Variants in SHANK2 observed in about 807,000 individuals in gnomAD.
SHANK2 encodes the protein SH3 and multiple ankyrin repeat domains protein 2.
SHANK2 carries 43 observed loss-of-function variants against 133.7 expected under a neutral mutation model. The ratio of observed to expected loss-of-function variants is 0.32; its 90% CI spans 0.25 to 0.41. The LOEUF (loss-of-function observed/expected upper bound fraction) is 0.41. SHANK2 is among the 10% of genes least tolerant of loss of function. The pLI is 1.00. For synonymous variants in SHANK2, 1,017 were observed against 952.8 expected, an observed-to-expected ratio of 1.07 and a Z score of -1.24; for missense variants, 1,994 against 2,235.8, an observed-to-expected ratio of 0.89 and a Z score of 2.18.
At chr11:71,108,729 G>A (rs1420049460) in intron 6 of SHANK2, among the ~76,000 whole-genome samples, 11 of 152,270 alleles carry the variant, frequency 7.2e-5, no homozygotes, top group African/African-American at 9.6e-5. Context: ...CCCTATCCCC[G>A]GGGGCACTCT....
intron 17 of SHANK2, among the ~76,000 whole-genome samples, chr11:70,636,728 ATGTGTGAATATGTGTGAGCATG>A (rs1333240875): frequency 2.0e-5 from 3 of 149,208 alleles, no homozygotes; most frequent in African/African-American, 7.4e-5. Flanking sequence ...AGGATGCATG[ATGTGTGAATATGTGTGAGCATG>A]TGTGTGAGCA....
chr11:70,559,590 T>G (rs2059880779), intron 17 of SHANK2, among the ~76,000 whole-genome samples: 1 of 152,154 alleles, frequency 6.6e-6, no homozygotes, highest in Non-Finnish European at 1.5e-5. Flanking sequence ...CGCGCTTTCC[T>G]GGGGACACAC....
intron 14 of SHANK2, among the ~76,000 whole-genome samples, chr11:70,788,399 G>C (rs1947715423): frequency 6.6e-6 from 1 of 152,210 alleles, no homozygotes; most frequent in Non-Finnish European, 1.5e-5. Flanking sequence ...ATAAACAGTT[G>C]AAAAGTTTTC....
chr11:71,107,871 G>T lies in SHANK2; in HGVS notation c.592+2070C>A, dbSNP rs782450204. The stretch of plus-strand genomic sequence containing the variant: ...TCAGGACAGGGGCCAATTACAGGGG[G>T]CACATCAGGAAGAGAGGTGCAGAGC... On this transcript the variant is annotated intron_variant, in intron 6 of 25. Coordinates refer to ENST00000601538, the MANE Select transcript of SHANK2 (RefSeq NM_012309.5). 3.2e-4 allele frequency among the ~76,000 whole-genome samples: 48 copies of T among 152,206 alleles called. 1 individual carries two copies. The highest frequency in any genetic ancestry group is 4.4e-5 in the Non-Finnish European group (3 of 68,028).
At chr11:70,586,788 C>T (rs1027571271) in intron 17 of SHANK2, among the ~76,000 whole-genome samples, 5 of 152,178 alleles carry the variant, frequency 3.3e-5, no homozygotes, top group Admixed American at 1.3e-4. Flanking sequence ...TCGAGGGTAC[C>T]GCTCCCCGGA....
chr11:70,716,686 C>T (rs1247675030), intron 14 of SHANK2, among the ~76,000 whole-genome samples: 1 of 152,094 alleles, frequency 6.6e-6, no homozygotes, highest in Non-Finnish European at 1.5e-5. Context: ...CTGCCACTCA[C>T]CAACACGGGG....
intron 25 of SHANK2, among the ~76,000 whole-genome samples, chr11:70,478,604 G>A (rs932718522): frequency 5.3e-5 from 8 of 152,156 alleles, no homozygotes; most frequent in Middle Eastern, 3.2e-3. Context: ...TAGCTTCCCC[G>A]AGGCCTGGAT....
rs373698913 is a variant in SHANK2, at chr11:71,128,985, A to C, written c.208-9953T>G. On this transcript the variant is annotated intron_variant, in intron 3 of 25. Transcript: ENST00000601538. ...TTTTTAGTAGAGACAGGGTTTCGCC[A>C]TGTTGACCGGGATGGTCTTGATCTC... is the stretch of plus-strand genomic sequence containing the variant. Among the ~76,000 whole-genome samples the C allele has an allele frequency of 3.3e-5, 5 of 152,162 alleles. No individual in the cohort carries two copies. In the East Asian group the frequency reaches 9.6e-4, roughly 29 times the overall value.
intron 14 of SHANK2, among the ~76,000 whole-genome samples, chr11:70,783,400 G>A (rs1451528995): frequency 6.6e-6 from 1 of 152,086 alleles, no homozygotes; most frequent in Non-Finnish European, 1.5e-5. Flanking sequence ...TGCCCACGGC[G>A]GGACAGAGGG....
intron 1 of SHANK2, chr11:71,226,508 T>A (rs1954647090): frequency 6.6e-6 from 1 of 152,138 alleles, no homozygotes; most frequent in Admixed American, 6.6e-5. Context: ...ACATCAGAAT[T>A]AAACTTCTGA....
At chr11:70,943,790 G>C (rs1950679718) in intron 10 of SHANK2, 2 of 394,834 alleles carry the variant, frequency 5.1e-6, no homozygotes, top group Non-Finnish European at 1.0e-5. Flanking sequence ...GTTCTACATG[G>C]GGTATGAGCT....
chr11:70,784,034 A>G (rs1308309403), intron 14 of SHANK2, among the ~76,000 whole-genome samples: 1 of 152,166 alleles, frequency 6.6e-6, no homozygotes, highest in Non-Finnish European at 1.5e-5. Context: ...AAGTGGGAAC[A>G]AGTGGCTGCC....
At chr11:70,623,179 C>CA (rs1344924495) in intron 17 of SHANK2, among the ~76,000 whole-genome samples, 67 of 145,864 alleles carry the variant, frequency 4.6e-4, no homozygotes, top group African/African-American at 1.3e-3. Context: ...TCGTCTCAAT[C>CA]AAAAAAAAAA....
chr11:70,601,536 G>A lies in SHANK2; in HGVS notation c.2061+58292C>T, dbSNP rs1041042251. ...CTGGCCAATCTTTGTATTTTTAGTG[G>A]AGACAGGGTTTCACCATGTTGGCCA... On this transcript the variant is annotated intron_variant, in intron 17 of 25. Coordinates refer to ENST00000601538, the MANE Select transcript of SHANK2 (RefSeq NM_012309.5). Among the ~76,000 whole-genome samples, 29 of 152,146 alleles carry A rather than the reference G, an allele frequency of 1.9e-4. 1 individual carries two copies. The highest frequency in any genetic ancestry group is 6.5e-5 in the Admixed American group (1 of 15,268).
intron 13 of SHANK2, among the ~76,000 whole-genome samples, chr11:70,800,606 C>T (rs1315729275): frequency 6.6e-6 from 1 of 152,196 alleles, no homozygotes; most frequent in Admixed American, 6.5e-5. Context: ...TTTATAAGTT[C>T]CTAATAACCT....
At chr11:70,621,377 G>A (rs1447645646) in intron 17 of SHANK2, among the ~76,000 whole-genome samples, 4 of 152,254 alleles carry the variant, frequency 2.6e-5, no homozygotes, top group African/African-American at 9.6e-5. Context: ...ACCCAGACCA[G>A]CTTGGAGCCC....
At chr11:71,208,181 A>G (rs975887252) in intron 2 of SHANK2, among the ~76,000 whole-genome samples, 5 of 152,200 alleles carry the variant, frequency 3.3e-5, no homozygotes, top group Middle Eastern at 3.4e-3. Context: ...CCCACTGTGC[A>G]CCCAGTGTGG....
intron 14 of SHANK2, among the ~76,000 whole-genome samples, chr11:70,753,045 G>A (rs1365801820): frequency 5.9e-5 from 9 of 151,900 alleles, no homozygotes; most frequent in African/African-American, 2.2e-4. Flanking sequence ...CCCAGGAGAT[G>A]GAGGTTGCAG....
At chr11:70,489,863 T>C in intron 23 of SHANK2, 1 of 296,488 alleles carries the variant, frequency 3.4e-6, no homozygotes, top group Non-Finnish European at 6.5e-6. Context: ...GAAGTACATC[T>C]GCTGAGCTCA....
Sources: allele counts gnomAD v4.1 joint callset (sites outside exome capture counted in the v4.1 genomes callset), GRCh38; gene constraint gnomAD v4.1.1; transcripts MANE v1.5; gene names NCBI Gene and HGNC (gene_info 2026-07-23, HGNC 2026-07-21).